Variants in HFM1 observed in about 807,000 individuals in gnomAD.
The protein encoded by HFM1 is probable ATP-dependent DNA helicase HFM1.
In HFM1, 169 loss-of-function variants were observed where a neutral mutation model predicts 192.1. The observed-to-expected ratio is 0.88, with a 90% CI of 0.78 to 1.00. The LOEUF is 1.00. HFM1 is among the 50% of genes least tolerant of loss of function. The pLI, the probability that HFM1 is intolerant of heterozygous loss-of-function variation, is 0.00. For missense variants in HFM1, 1,661 were observed against 1,668.0 expected (o/e 1.00, Z 0.07); for synonymous variants, 525 against 537.8 (o/e 0.98, Z 0.33).
At chr1:91,387,111 C>T (rs1031515281) in intron 4 of HFM1, among the ~76,000 whole-genome samples, 29 of 152,180 alleles carry the variant, frequency 1.9e-4, no homozygotes, top group Non-Finnish European at 4.1e-4. Flanking sequence ...CCTAATAAAA[C>T]ATTCACATCT....
chr1:91,329,740 C>T (rs1280300598), intron 20 of HFM1, among the ~76,000 whole-genome samples: 4 of 152,160 alleles, frequency 2.6e-5, no homozygotes, highest in Non-Finnish European at 5.9e-5. Flanking sequence ...ATGTCAGGCT[C>T]AAACCACTTC....
intron 19 of HFM1, among the ~76,000 whole-genome samples, chr1:91,346,523 T>C (rs891178839): frequency 6.6e-6 from 1 of 152,218 alleles, no homozygotes; most frequent in Non-Finnish European, 1.5e-5. Flanking sequence ...TCTTTATCTC[T>C]GCATTTTTAT....
chr1:91,392,183 A>G (rs1451582380), intron 4 of HFM1, among the ~76,000 whole-genome samples: 2 of 149,880 alleles, frequency 1.3e-5, no homozygotes, highest in Non-Finnish European at 3.0e-5. Flanking sequence ...GTGGAAGACA[A>G]TATGGCAATT....
intron 2 of HFM1, among the ~76,000 whole-genome samples, chr1:91,398,023 A>C (rs1663875730): frequency 1.3e-5 from 2 of 152,232 alleles, no homozygotes; most frequent in South Asian, 2.1e-4. Flanking sequence ...CTATTTGTAT[A>C]AACAGTTTAC....
intron 30 of HFM1, 92 bp downstream of exon 30, chr1:91,313,257 T>C: frequency 1.6e-6 from 1 of 627,890 alleles, no homozygotes. Flanking sequence ...CAGAGTATCC[T>C]CAATCTGAGT....
At position 91,385,756 on chromosome 1, in the gene HFM1, C is replaced by A. The variant is rs781780382; in HGVS notation, c.573G>T (p.Val191=). 18 of 1,611,236 alleles carry A rather than the reference C, an allele frequency of 1.1e-5. No individual in the cohort carries two copies. Among genetic ancestry groups the A allele is most frequent in the Non-Finnish European group, 1.5e-5 (18 of 1,177,630 alleles). The change falls in exon 5 of 39, where the codon GTG becomes GTT. Residue 191 remains valine (V), a synonymous_variant. Coordinates refer to ENST00000370425, the MANE Select transcript of HFM1 (RefSeq NM_001017975.6). ...TGTTCATTTCTGTTTGTACAATTTTCACTGAGCCAATGTGAGAGTCCAATT... is the reference window on the plus strand; with the variant it reads ...TGTTCATTTCTGTTTGTACAATTTTAACTGAGCCAATGTGAGAGTCCAATT... ...DNELDSHIGS[V]KIVQTEMNKG...
At chr1:91,389,724 T>TC (rs1662698844) in intron 4 of HFM1, among the ~76,000 whole-genome samples, 1 of 152,124 alleles carries the variant, frequency 6.6e-6, no homozygotes, top group African/African-American at 2.4e-5. Flanking sequence ...TCAAAATAAC[T>TC]AAGACAATTA....
chr1:91,399,150 G>C (rs1033546303), intron 2 of HFM1, among the ~76,000 whole-genome samples: 1 of 152,002 alleles, frequency 6.6e-6, no homozygotes, highest in Non-Finnish European at 1.5e-5. Flanking sequence ...CTAGGCACTA[G>C]AGCTTATATT....
chr1:91,299,852 C>T (rs1006739771), intron 30 of HFM1, among the ~76,000 whole-genome samples: 1 of 152,098 alleles, frequency 6.6e-6, no homozygotes, highest in East Asian at 1.9e-4. Context: ...AAAATTGACA[C>T]CCTAACATCA....
chr1:91,375,972 ATTTTG>A (rs1660857216), intron 11 of HFM1, among the ~76,000 whole-genome samples: 2 of 138,378 alleles, frequency 1.4e-5, no homozygotes, highest in Non-Finnish European at 3.1e-5. Flanking sequence ...AATTATTATT[ATTTTG>A]TTTTATTTTC....
intron 13 of HFM1, among the ~76,000 whole-genome samples, chr1:91,370,358 C>A (rs1178924693): frequency 2.0e-5 from 3 of 152,066 alleles, no homozygotes; most frequent in African/African-American, 7.3e-5. Flanking sequence ...ACTGGCAAAC[C>A]AAATCCAGCA....
In HFM1 at chr1:91,273,939, G is replaced by A. The variant is rs1666557150; in HGVS notation, c.3669-124C>T. 8.6e-6 allele frequency: 5 copies of A among 582,420 alleles called. No individual in the cohort carries two copies. In the South Asian group the frequency reaches 9.5e-5, roughly 11 times the overall value. 36.1% of individuals were successfully genotyped at this position (582,420 alleles called of 1,614,324 possible). A position where few individuals can be genotyped will look rare whatever the true frequency, so the allele number is the denominator to read the frequency against. On this transcript the variant is annotated intron_variant, in intron 33 of 38. Coordinates refer to ENST00000370425, the MANE Select transcript of HFM1 (RefSeq NM_001017975.6). Reference sequence around the variant, plus strand: ...CATTTAACACTTCTATGATACACTGGACCCAGGCTGGGTAGCAAATAAATA... The same window carrying A: ...CATTTAACACTTCTATGATACACTGAACCCAGGCTGGGTAGCAAATAAATA...
rs546691505 is a variant in HFM1 at position 91,290,328 on chromosome 1, T to G, written c.3392-13266A>C. ...CCCATCTCACAGGCAGAGACACACA[T>G]AGGCTTAAAATAAAAGGATGGAGGA... On this transcript the variant is annotated intron_variant, in intron 30 of 38. Coordinates refer to ENST00000370425, the MANE Select transcript of HFM1 (RefSeq NM_001017975.6). Among the ~76,000 whole-genome samples, 4 of 152,162 alleles carry G rather than the reference T, an allele frequency of 2.6e-5. No individual in the cohort carries two copies. The East Asian group carries it at 5.8e-4, about 22-fold the overall frequency.
chr1:91,324,788 T>C, intron 20 of HFM1, 22 bp from the exon 21 acceptor site: 1 of 1,278,014 alleles, frequency 7.8e-7, no homozygotes, highest in Non-Finnish European at 1.1e-6. Flanking sequence ...GACAGAAAAA[T>C]GAACGGTCCC....
chr1:91,357,434 C>T (rs1393434715), intron 13 of HFM1, among the ~76,000 whole-genome samples: 1 of 151,974 alleles, frequency 6.6e-6, no homozygotes, highest in Non-Finnish European at 1.5e-5. Flanking sequence ...AACACGCAGG[C>T]ATATAAGGAA....
chr1:91,283,730 T>C (rs1223244656), intron 30 of HFM1, among the ~76,000 whole-genome samples: 1 of 152,146 alleles, frequency 6.6e-6, no homozygotes, highest in Non-Finnish European at 1.5e-5. Flanking sequence ...TAGAAATGTA[T>C]TGAAAGAAAA....
chr1:91,356,026 G>A (rs1571079552), intron 13 of HFM1, among the ~76,000 whole-genome samples: 1 of 152,050 alleles, frequency 6.6e-6, no homozygotes, highest in East Asian at 1.9e-4. Flanking sequence ...GAAATCATAT[G>A]TAGTATCATT....
At chr1:91,343,230 CAAAAAAAAAA>C (rs34902756) in intron 20 of HFM1, among the ~76,000 whole-genome samples, 190 bp downstream of exon 20, 1 of 74,912 alleles carries the variant, frequency 1.3e-5, no homozygotes, top group African/African-American at 5.5e-5. Context: ...GACTCTGTCT[CAAAAAAAAAA>C]AAAAAAAAAA....
intron 30 of HFM1, among the ~76,000 whole-genome samples, chr1:91,300,225 CT>C (rs1277503308): frequency 2.6e-5 from 4 of 152,184 alleles, no homozygotes; most frequent in Non-Finnish European, 4.4e-5. Context: ...CCTCCCAAGA[CT>C]AAACCAGGAA....
Sources: gnomAD v4.1 joint callset for allele counts (sites outside exome capture counted in the v4.1 genomes callset) on GRCh38, gnomAD v4.1.1 for gene constraint, MANE v1.5 for transcripts, NCBI Gene and HGNC (gene_info 2026-07-23, HGNC 2026-07-21) for gene names.